The following SEMA6A variants were observed in gnomAD, a reference collection of about 807,000 sequenced individuals.
The protein encoded by SEMA6A is semaphorin 6A.
A neutral mutation model predicts 96.8 loss-of-function variants in SEMA6A; 25 were observed. The ratio of observed to expected loss-of-function variants is 0.26; its 90% CI spans 0.19 to 0.36. SEMA6A has a LOEUF of 0.36. Among genes scored for constraint, SEMA6A ranks in the 10% least tolerant of loss-of-function variants. The pLI is 1.00. For synonymous variants in SEMA6A, 612 were observed against 518.0 expected, an observed-to-expected ratio of 1.18 and a Z score of -2.46; for missense variants, 1,363 against 1,323.1, an observed-to-expected ratio of 1.03 and a Z score of -0.47.
intron 18 of SEMA6A, among the ~76,000 whole-genome samples, chr5:116,450,117 G>A (rs1754528379): frequency 6.6e-6 from 1 of 152,126 alleles, no homozygotes; most frequent in Admixed American, 6.6e-5. Context: ...GGGTTCTACC[G>A]AACACCGTTT....
intron 1 of SEMA6A, among the ~76,000 whole-genome samples, chr5:116,558,803 G>A (rs1196545898): frequency 1.3e-5 from 2 of 152,154 alleles, no homozygotes; most frequent in Admixed American, 6.5e-5. Flanking sequence ...CAATTTAAGC[G>A]TTATTTGTTT....
intron 16 of SEMA6A, among the ~76,000 whole-genome samples, chr5:116,474,278 G>GCACACA (rs113731062): frequency 0.14 from 20,923 of 147,274 alleles, 1,838 homozygotes; most frequent in East Asian, 0.38. Flanking sequence ...GTGCACGCAT[G>GCACACA]CACACACACA....
At chr5:116,489,037 G>T (rs1298989653) in intron 7 of SEMA6A, 30 bp from the exon 8 acceptor site, 5 of 1,545,600 alleles carry the variant, frequency 3.2e-6, no homozygotes, top group Admixed American at 2.0e-5. Context: ...AGGTGAACAG[G>T]GTGGGAGCAA....
At chr5:116,540,617 T>A (rs1408236799) in intron 1 of SEMA6A, among the ~76,000 whole-genome samples, 2 of 152,144 alleles carry the variant, frequency 1.3e-5, no homozygotes, top group Non-Finnish European at 2.9e-5. Flanking sequence ...GGGGGCAGAG[T>A]TTGGCCCCAC....
intron 1 of SEMA6A, among the ~76,000 whole-genome samples, chr5:116,513,997 A>T (rs1458123298): frequency 6.6e-6 from 1 of 152,154 alleles, no homozygotes; most frequent in Non-Finnish European, 1.5e-5. Context: ...TCCATCATGT[A>T]TATGTACCAC....
At chr5:116,503,141 A>T (rs1014171128) in intron 2 of SEMA6A, among the ~76,000 whole-genome samples, 3 of 152,180 alleles carry the variant, frequency 2.0e-5, no homozygotes, top group African/African-American at 4.8e-5. Flanking sequence ...TCTCCAGAGC[A>T]CTGGCGAGCC....
rs148211651 is a variant in SEMA6A, at chr5:116,571,357, T to C, written c.-39+2828A>G. 2.6e-5 allele frequency among the ~76,000 whole-genome samples: 4 copies of C among 152,336 alleles called. No homozygotes were observed. The East Asian group carries it at 7.7e-4, about 29-fold the overall frequency. Reference sequence around the variant, plus strand: ...TGTGGATTATATGCGTTATTGAAAATGTAGCACATCTCTAAAAGGTGATAG... The same window carrying C: ...TGTGGATTATATGCGTTATTGAAAACGTAGCACATCTCTAAAAGGTGATAG... On this transcript the variant is annotated intron_variant, in intron 1 of 18. Coordinates refer to ENST00000343348, the MANE Select transcript of SEMA6A (RefSeq NM_020796.5).
In SEMA6A at chr5:116,459,682, C is replaced by A. The variant is rs554517477; in HGVS notation, c.1894+7901G>T. On this transcript the variant is annotated intron_variant, in intron 18 of 18. Transcript: ENST00000343348. ...GACTTTGAAAGGTCTTTCCTGTGTC[C>A]CCCACTTGGAATTAGTTGTGCCACC... Among the ~76,000 whole-genome samples, 31 of 152,148 alleles carry A rather than the reference C, an allele frequency of 2.0e-4. No homozygotes were observed. The East Asian group carries it at 5.2e-3, about 26-fold the overall frequency.
At chr5:116,460,613 G>C (rs1209974660) in intron 18 of SEMA6A, among the ~76,000 whole-genome samples, 2 of 151,976 alleles carry the variant, frequency 1.3e-5, no homozygotes, top group African/African-American at 4.8e-5. Flanking sequence ...ATTTAGTTTT[G>C]TTTCAATATT....
intron 1 of SEMA6A, among the ~76,000 whole-genome samples, chr5:116,512,036 T>G (rs373287931): frequency 2.6e-5 from 4 of 152,226 alleles, no homozygotes; most frequent in African/African-American, 9.6e-5. Context: ...CTGGAACTGC[T>G]GATCATTCTT....
chr5:116,547,762 C>T (rs1436748857), intron 1 of SEMA6A, among the ~76,000 whole-genome samples: 1 of 116,134 alleles, frequency 8.6e-6, no homozygotes, highest in African/African-American at 3.4e-5. Context: ...AAAAAAAAGC[C>T]AAATGATCCC....
chr5:116,480,512 G>A (rs1183643102), intron 11 of SEMA6A, among the ~76,000 whole-genome samples: 4 of 152,168 alleles, frequency 2.6e-5, no homozygotes, highest in Admixed American at 6.5e-5. Context: ...GCTGGGGGCA[G>A]GCTGGCTTCC....
chr5:116,460,435 A>G (rs1167928520), intron 18 of SEMA6A, among the ~76,000 whole-genome samples: 1 of 152,214 alleles, frequency 6.6e-6, no homozygotes, highest in Non-Finnish European at 1.5e-5. Flanking sequence ...CAAATGTAAT[A>G]TATAAATTAG....
intron 18 of SEMA6A, among the ~76,000 whole-genome samples, chr5:116,456,520 T>C (rs1487676662): frequency 6.6e-6 from 1 of 152,208 alleles, no homozygotes; most frequent in African/African-American, 2.4e-5. Flanking sequence ...GCATGGCATA[T>C]AGCTCAAAAT....
At chr5:116,545,480 G>T (rs1760148345) in intron 1 of SEMA6A, among the ~76,000 whole-genome samples, 2 of 152,122 alleles carry the variant, frequency 1.3e-5, no homozygotes, top group South Asian at 2.1e-4. Flanking sequence ...TGAGTCAGGA[G>T]AATTGCTTGA....
intron 16 of SEMA6A, 98 bp from the exon 17 acceptor site, chr5:116,473,191 C>T (rs936128969): frequency 9.3e-6 from 11 of 1,180,382 alleles, no homozygotes; most frequent in African/African-American, 7.7e-5. Context: ...ACTATGCCAG[C>T]GTATGGTCCC....
intron 1 of SEMA6A, among the ~76,000 whole-genome samples, chr5:116,507,392 C>T (rs1214882375): frequency 2.6e-5 from 4 of 152,068 alleles, no homozygotes; most frequent in Non-Finnish European, 1.5e-5. Context: ...GATTACTTTG[C>T]GGAGGGATCC....
chr5:116,476,547 A>G (rs959370089), intron 15 of SEMA6A, among the ~76,000 whole-genome samples: 1 of 152,200 alleles, frequency 6.6e-6, no homozygotes, highest in African/African-American at 2.4e-5. Context: ...CATGCCCTGG[A>G]GCCCACTCTC....
At chr5:116,548,539 G>A (rs1035567376) in intron 1 of SEMA6A, among the ~76,000 whole-genome samples, 3 of 152,136 alleles carry the variant, frequency 2.0e-5, no homozygotes, top group African/African-American at 7.2e-5. Context: ...ATATAATGCT[G>A]CATACCACGG....
Sources: gnomAD v4.1 joint callset for allele counts (sites outside exome capture counted in the v4.1 genomes callset) on GRCh38, gnomAD v4.1.1 for gene constraint, MANE v1.5 for transcripts, NCBI Gene and HGNC (gene_info 2026-07-23, HGNC 2026-07-21) for gene names.